EIF4E3: variants seen among roughly 807,000 people sequenced by gnomAD.
EIF4E3 encodes the protein eukaryotic translation initiation factor 4E type 3.
EIF4E3 carries 26 observed loss-of-function variants against 31.7 expected under a neutral mutation model. That is an observed-to-expected ratio of 0.82 (90% CI 0.60 to 1.14). EIF4E3 has a LOEUF of 1.14. Among genes scored for constraint, EIF4E3 ranks in the 50% most tolerant of loss-of-function variants. The probability of loss-of-function intolerance (pLI) is 0.00; values close to 1 mark genes in which losing one functional copy is unlikely to be tolerated. For missense variants in EIF4E3, 304 were observed against 270.9 expected (o/e 1.12, Z -0.86); for synonymous variants, 128 against 107.7 (o/e 1.19, Z -1.17).
intron 1 of EIF4E3, among the ~76,000 whole-genome samples, chr3:71,741,960 AAATG>A (rs1578389749): frequency 6.6e-6 from 1 of 152,226 alleles, no homozygotes. Flanking sequence ...AAGTATTCTG[AAATG>A]AATGAATATA....
chr3:71,719,535 GAA>G (rs1007923173), intron 1 of EIF4E3, among the ~76,000 whole-genome samples: 2 of 126,346 alleles, frequency 1.6e-5, no homozygotes, highest in African/African-American at 2.9e-5. Flanking sequence ...CCTTTCTGAT[GAA>G]AAAAAAAAAA....
chr3:71,688,917 T>C (rs1281092225), intron 6 of EIF4E3, among the ~76,000 whole-genome samples: 3 of 152,210 alleles, frequency 2.0e-5, no homozygotes, highest in Admixed American at 2.0e-4. Context: ...ATTTGGCCTG[T>C]AATTATATGA....
At chr3:71,714,305 C>CGAATGAAG (rs1300162116) in intron 1 of EIF4E3, among the ~76,000 whole-genome samples, 2 of 90,320 alleles carry the variant, frequency 2.2e-5, no homozygotes, top group Non-Finnish European at 4.3e-5. Context: ...AAGGAAGGAA[C>CGAATGAAG]GAAAGAAAGG....
At position 71,684,544 on chromosome 3, in the gene EIF4E3, T is replaced by C. The variant is rs561357317; in HGVS notation, c.*138A>G. ...CCCCACCTGCCACTTTGAGTCCTAATTGCCCATCTGCAAGGACAGAAACCC... is the reference window on the plus strand; with the variant it reads ...CCCCACCTGCCACTTTGAGTCCTAACTGCCCATCTGCAAGGACAGAAACCC... On this transcript the variant is annotated 3_prime_UTR_variant, in exon 7 of 7. Transcript: ENST00000425534. The C allele has an allele frequency of 7.2e-6, 6 of 834,208 alleles. No individual in the cohort carries two copies. Among genetic ancestry groups the C allele is most frequent in the African/African-American group, 3.4e-5 (2 of 58,340 alleles). The allele number at this position is 834,208 out of a possible 1,614,324, so 51.7% of individuals were successfully genotyped here. A position where few individuals can be genotyped will look rare whatever the true frequency, so the allele number is the denominator to read the frequency against.
chr3:71,734,377 C>T (rs1345212417), intron 1 of EIF4E3, among the ~76,000 whole-genome samples: 3 of 152,132 alleles, frequency 2.0e-5, no homozygotes, highest in African/African-American at 4.8e-5. Context: ...TACCAGGTCA[C>T]TCAGAAATAC....
intron 1 of EIF4E3, among the ~76,000 whole-genome samples, chr3:71,737,481 G>A (rs1375668682): frequency 6.6e-6 from 1 of 152,112 alleles, no homozygotes; most frequent in African/African-American, 2.4e-5. Flanking sequence ...CTTTTAGAGA[G>A]TGACTGCTTA....
intron 1 of EIF4E3, among the ~76,000 whole-genome samples, chr3:71,746,637 C>T (rs967424990): frequency 6.6e-6 from 1 of 152,168 alleles, no homozygotes; most frequent in Admixed American, 6.5e-5. Flanking sequence ...CCTCCATAGG[C>T]CACAGAGGTG....
At chr3:71,723,651 C>T (rs2049584655) in intron 1 of EIF4E3, among the ~76,000 whole-genome samples, 1 of 152,134 alleles carries the variant, frequency 6.6e-6, no homozygotes, top group African/African-American at 2.4e-5. Context: ...CTGTTTCCAC[C>T]AGTCAGCAGT....
intron 1 of EIF4E3, among the ~76,000 whole-genome samples, chr3:71,750,114 G>A (rs929144111): frequency 3.9e-5 from 6 of 152,162 alleles, no homozygotes; most frequent in African/African-American, 1.4e-4. Flanking sequence ...AAAATTTTAA[G>A]TTATAAGGAA....
rs2048908508 is a variant in EIF4E3 at position 71,680,313 on chromosome 3, A to G, written c.*4369T>C. The G allele has an allele frequency of 1.3e-5, 2 of 152,192 alleles. No homozygotes were observed. Among genetic ancestry groups the G allele is most frequent in the Admixed American group, 1.3e-4 (2 of 15,286 alleles). The allele number at this position is 152,192 out of a possible 1,614,324, so 9.4% of individuals were successfully genotyped here. A position where few individuals can be genotyped will look rare whatever the true frequency, so the allele number is the denominator to read the frequency against. On this transcript the variant is annotated 3_prime_UTR_variant, in exon 7 of 7. Coordinates refer to ENST00000425534, the MANE Select transcript of EIF4E3 (RefSeq NM_001134651.2). ...ACTAGGGCACTTGTTAAAAATGCAG[A>G]TATCCTCCCAGATTTCTAGTGCTGG...
chr3:71,725,680 T>C (rs1000208414), upstream of EIF4E3, among the ~76,000 whole-genome samples: 1 of 151,400 alleles, frequency 6.6e-6, no homozygotes, highest in African/African-American at 2.4e-5. The surrounding 1 kb of genome is among the most constrained non-coding windows in gnomAD (Gnocchi z 6.1). Flanking sequence ...GGGGACGGGC[T>C]AGAGGGCCCA....
the EIF4E3 span, among the ~76,000 whole-genome samples, chr3:71,664,345 T>C: frequency 1.3e-5 from 2 of 152,126 alleles, no homozygotes; most frequent in Admixed American, 6.5e-5. Context: ...CTTGATGCTA[T>C]AGTGGATTTT....
At chr3:71,709,345 A>G (rs2049342159) in intron 2 of EIF4E3, among the ~76,000 whole-genome samples, 1 of 152,212 alleles carries the variant, frequency 6.6e-6, no homozygotes, top group Non-Finnish European at 1.5e-5. Flanking sequence ...AGAACCTGCT[A>G]TTGAAGAAAA....
At chr3:71,745,939 C>T (rs1421105342) in intron 1 of EIF4E3, among the ~76,000 whole-genome samples, 1 of 151,438 alleles carries the variant, frequency 6.6e-6, no homozygotes, top group African/African-American at 2.4e-5. Flanking sequence ...TTAGTGTAGA[C>T]TCCTTGTTTG....
chr3:71,684,625 T>A lies in EIF4E3; in HGVS notation c.*57A>T, dbSNP rs1176110200. On this transcript the variant is annotated 3_prime_UTR_variant, in exon 7 of 7. Coordinates refer to ENST00000425534, the MANE Select transcript of EIF4E3 (RefSeq NM_001134651.2). ...AGTCTTCTCTTCACTCTCCCTCCTG[T>A]TAAGACCGTTTCCAAAACCAATCAG... 1.6e-5 allele frequency: 26 copies of A among 1,607,558 alleles called. No individual in the cohort carries two copies. Among genetic ancestry groups the A allele is most frequent in the African/African-American group, 2.7e-5 (2 of 74,610 alleles).
rs1028206408 is a variant in EIF4E3, at chr3:71,676,406, G to C, written c.*8276C>G. The C allele has an allele frequency of 6.6e-6, 1 of 152,098 alleles. No individual in the cohort carries two copies. Among genetic ancestry groups the C allele is most frequent in the Non-Finnish European group, 1.5e-5 (1 of 68,010 alleles). The allele number at this position is 152,098 out of a possible 1,614,324, so 9.4% of individuals were successfully genotyped here. A position where few individuals can be genotyped will look rare whatever the true frequency, so the allele number is the denominator to read the frequency against. On this transcript the variant is annotated 3_prime_UTR_variant, in exon 7 of 7. Coordinates refer to ENST00000425534, the MANE Select transcript of EIF4E3 (RefSeq NM_001134651.2). The stretch of plus-strand genomic sequence containing the variant: ...CCTGCTGTTATAGAGTGTTCTCCTT[G>C]TAACAATTCAGTAAGTTACACATTT...
chr3:71,704,671 G>A (rs1054678237), intron 2 of EIF4E3, among the ~76,000 whole-genome samples: 6 of 152,230 alleles, frequency 3.9e-5, no homozygotes, highest in Non-Finnish European at 5.9e-5. Context: ...GCCAAAGGTG[G>A]TGGGCATGGC....
chr3:71,754,421 C>T (rs2049978681), upstream of EIF4E3: 1 of 1,351,550 alleles, frequency 7.4e-7, no homozygotes, highest in East Asian at 3.3e-5. This position sits in a 1 kb window ranked among gnomAD's most constrained non-coding sequence, Gnocchi z 5.8. Context: ...ACCTGGCCAT[C>T]GCGCACCACC....
Position 71,684,556 on chromosome 3 carries a change from A to C in EIF4E3, c.*126T>G, listed in dbSNP as rs1312645126. On this transcript the variant is annotated 3_prime_UTR_variant, in exon 7 of 7. Coordinates refer to ENST00000425534, the MANE Select transcript of EIF4E3 (RefSeq NM_001134651.2). ...CTTTGAGTCCTAATTGCCCATCTGC[A>C]AGGACAGAAACCCACTCTAAATTGA... 9 of 1,109,854 alleles carry C rather than the reference A, an allele frequency of 8.1e-6. No individual in the cohort carries two copies. Among genetic ancestry groups the C allele is most frequent in the Non-Finnish European group, 7.8e-6 (6 of 771,784 alleles). 68.8% of individuals were successfully genotyped at this position (1,109,854 alleles called of 1,614,324 possible).
Sources: gnomAD v4.1 joint callset for allele counts (sites outside exome capture counted in the v4.1 genomes callset) on GRCh38, gnomAD v4.1.1 for gene constraint, Gnocchi (gnomAD v3.1) non-coding constraint, MANE v1.5 for transcripts, NCBI Gene and HGNC (gene_info 2026-07-23, HGNC 2026-07-21) for gene names.